The following PBX1 variants were observed in gnomAD, a reference collection of about 807,000 sequenced individuals.
PBX1 encodes PBX homeobox 1.
In PBX1, 6 loss-of-function variants were observed where a neutral mutation model predicts 53.4. The observed-to-expected ratio is 0.11, with a 90% CI of 0.06 to 0.22. The LOEUF is 0.22. PBX1 is among the 10% of genes least tolerant of loss of function. The probability of loss-of-function intolerance (pLI) is 1.00; values close to 1 mark genes in which losing one functional copy is unlikely to be tolerated. For missense variants in PBX1, 251 were observed against 551.4 expected (o/e 0.46, Z 5.46); for synonymous variants, 204 against 212.3 (o/e 0.96, Z 0.34).
intron 2 of PBX1, among the ~76,000 whole-genome samples, chr1:164,650,289 C>T (rs1007512611): frequency 4.0e-5 from 6 of 149,706 alleles, no homozygotes; most frequent in Non-Finnish European, 5.9e-5. Context: ...AGGGCACTGG[C>T]GTGATCTTGG....
intron 8 of PBX1, among the ~76,000 whole-genome samples, chr1:164,835,239 G>GTTTTTTTTTT (rs71670294): frequency 7.3e-5 from 10 of 136,118 alleles, no homozygotes; most frequent in East Asian, 2.2e-4. Context: ...TTTGATTTTG[G>GTTTTTTTTTT]TTTTTTTTTT....
At position 164,850,374 on chromosome 1, in the gene PBX1, A is replaced by G. The variant is rs1485515509; in HGVS notation, c.*3698A>G. On this transcript the variant is annotated 3_prime_UTR_variant, in exon 9 of 9. Coordinates refer to ENST00000420696, the MANE Select transcript of PBX1 (RefSeq NM_002585.4). ...AAAAAAAAAGGTTGGAATAGTGAGC[A>G]TAATAGGTACAACCTAACACATTAT... 4.8e-6 allele frequency: 1 copy of G among 209,984 alleles called. No homozygotes were observed. The highest frequency in any genetic ancestry group is 9.6e-6 in the Non-Finnish European group (1 of 103,830). The allele number at this position is 209,984 out of a possible 1,614,324, so 13.0% of individuals were successfully genotyped here.
At chr1:164,852,910 G>A (rs1257370883), downstream of PBX1, among the ~76,000 whole-genome samples, 5 of 152,144 alleles carry the variant, frequency 3.3e-5, no homozygotes, top group South Asian at 2.1e-4. Flanking sequence ...AGCAGGCTCC[G>A]ATTACTTCCT....
chr1:164,843,084 C>A (rs999588577), intron 8 of PBX1, among the ~76,000 whole-genome samples: 1 of 152,076 alleles, frequency 6.6e-6, no homozygotes, highest in Non-Finnish European at 1.5e-5. Context: ...TTTCCCAAGA[C>A]GGTGCAGCCT....
chr1:164,742,417 C>T (rs995019856), intron 2 of PBX1, among the ~76,000 whole-genome samples: 2 of 152,140 alleles, frequency 1.3e-5, no homozygotes, highest in Non-Finnish European at 2.9e-5. Context: ...TGATGCACAT[C>T]TGTAATCCCA....
intron 2 of PBX1, among the ~76,000 whole-genome samples, chr1:164,613,921 G>T (rs932281880): frequency 2.0e-5 from 3 of 151,894 alleles, no homozygotes; most frequent in African/African-American, 7.3e-5. Context: ...ATCCCAGTAT[G>T]CACCGAGAAC....
intron 2 of PBX1, among the ~76,000 whole-genome samples, chr1:164,872,399 A>G (rs1261635592): frequency 1.3e-5 from 2 of 152,256 alleles, no homozygotes; most frequent in East Asian, 1.9e-4. Context: ...TTCCATCACA[A>G]GGGATCTAAT....
In PBX1 at chr1:164,848,252, G is replaced by A; in HGVS notation, c.*1576G>A. ...TGAAAGCTATTCTCAAAAGTCACCT[G>A]AGCTCACCATCTTCATAGCCAACCC... On this transcript the variant is annotated 3_prime_UTR_variant, in exon 9 of 9. Coordinates refer to ENST00000420696, the MANE Select transcript of PBX1 (RefSeq NM_002585.4). 9.5e-7 allele frequency: 1 copy of A among 1,055,002 alleles called. No homozygotes were observed. The highest frequency in any genetic ancestry group is 1.1e-6 in the Non-Finnish European group (1 of 872,942). 65.4% of individuals were successfully genotyped at this position (1,055,002 alleles called of 1,614,324 possible). A position where few individuals can be genotyped will look rare whatever the true frequency, so the allele number is the denominator to read the frequency against.
intron 2 of PBX1, among the ~76,000 whole-genome samples, chr1:164,644,347 A>G (rs1659323281): frequency 6.6e-6 from 1 of 152,202 alleles, no homozygotes; most frequent in Non-Finnish European, 1.5e-5. Flanking sequence ...AAAAAAGTAA[A>G]CCGCAAATGA....
intron 2 of PBX1, among the ~76,000 whole-genome samples, chr1:164,786,681 CTGTGTGTGTGTGTGTGTGTGTGTGTG>C (rs74747780): frequency 1.4e-5 from 2 of 140,514 alleles, no homozygotes; most frequent in Admixed American, 7.1e-5. Context: ...TCAGAAGAGA[CTGTGTGTGTGTGTGTGTGTGTGTGTG>C]TGTGTGTGTG....
At chr1:164,601,660 C>T (rs1656187703) in intron 2 of PBX1, among the ~76,000 whole-genome samples, 1 of 152,128 alleles carries the variant, frequency 6.6e-6, no homozygotes, top group Admixed American at 6.5e-5. Flanking sequence ...CTGTTCCACG[C>T]TTAGTACAAG....
intron 2 of PBX1, among the ~76,000 whole-genome samples, chr1:164,876,051 G>A (rs926539564): frequency 8.3e-5 from 9 of 108,638 alleles, no homozygotes; most frequent in Non-Finnish European, 4.2e-5. Flanking sequence ...TTTATGGCAG[G>A]CATTTGGAAA....
At chr1:164,571,864 C>G (rs562701549) in intron 2 of PBX1, among the ~76,000 whole-genome samples, 10 of 77,306 alleles carry the variant, frequency 1.3e-4, no homozygotes, top group African/African-American at 5.1e-4. Context: ...ATACAAAAAT[C>G]TGTACATTGT....
intron 2 of PBX1, among the ~76,000 whole-genome samples, chr1:164,647,103 GTC>G (rs1659501246): frequency 6.6e-6 from 1 of 152,232 alleles, no homozygotes; most frequent in Non-Finnish European, 1.5e-5. Context: ...GTGGGAAAGA[GTC>G]TGCTTTTAAG....
chr1:164,566,940 T>G (rs1653472262), intron 2 of PBX1, among the ~76,000 whole-genome samples: 1 of 152,218 alleles, frequency 6.6e-6, no homozygotes, highest in African/African-American at 2.4e-5. Flanking sequence ...ATTTATTTTT[T>G]GCTCCTTAAC....
chr1:164,661,246 T>G (rs1660469059), intron 2 of PBX1, among the ~76,000 whole-genome samples: 1 of 152,222 alleles, frequency 6.6e-6, no homozygotes. Flanking sequence ...TACTGATGTT[T>G]TGAACACCTG....
At chr1:164,805,060 A>G (rs528311500) in intron 4 of PBX1, among the ~76,000 whole-genome samples, 1 of 152,196 alleles carries the variant, frequency 6.6e-6, no homozygotes, top group Non-Finnish European at 1.5e-5. Context: ...ACATCTCACT[A>G]TCATGAGTCT....
In PBX1 at chr1:164,847,776, G is replaced by C. The variant is rs1303301200; in HGVS notation, c.*1100G>C. On this transcript the variant is annotated 3_prime_UTR_variant, in exon 9 of 9. Transcript: ENST00000420696. The stretch of plus-strand genomic sequence containing the variant: ...TCTAAGTGAAGGTCACTGACACAGA[G>C]AAGCAGTATGTGTCTGGGGCTTCCA... 9.5e-7 allele frequency: 1 copy of C among 1,052,766 alleles called. No homozygotes were observed. The highest frequency in any genetic ancestry group is 1.1e-6 in the Non-Finnish European group (1 of 871,576). 65.2% of individuals were successfully genotyped at this position (1,052,766 alleles called of 1,614,324 possible). A position where few individuals can be genotyped will look rare whatever the true frequency, so the allele number is the denominator to read the frequency against.
At chr1:164,639,023 G>A (rs1158975390) in intron 2 of PBX1, among the ~76,000 whole-genome samples, 1 of 152,204 alleles carries the variant, frequency 6.6e-6, no homozygotes, top group Non-Finnish European at 1.5e-5. Flanking sequence ...CTTGGCATCA[G>A]AAGGCCTTAG....
Sources: allele counts gnomAD v4.1 joint callset (sites outside exome capture counted in the v4.1 genomes callset), GRCh38; gene constraint gnomAD v4.1.1; transcripts MANE v1.5; gene names NCBI Gene and HGNC (gene_info 2026-07-23, HGNC 2026-07-21).